TCF4: variants seen among roughly 807,000 people sequenced by gnomAD.
The protein encoded by TCF4 is transcription factor 4.
TCF4 carries 3 observed loss-of-function variants against 82.1 expected under a neutral mutation model. The observed-to-expected ratio is 0.04, with a 90% confidence interval of 0.02 to 0.09. The LOEUF (loss-of-function observed/expected upper bound fraction) is 0.09. Among genes scored for constraint, TCF4 ranks in the 10% least tolerant of loss-of-function variants. The pLI is 1.00. For synonymous variants in TCF4, 276 were observed against 309.6 expected, an observed-to-expected ratio of 0.89 and a Z score of 1.14; for missense variants, 518 against 852.7, an observed-to-expected ratio of 0.61 and a Z score of 4.89.
At chr18:55,440,792 C>T (rs2095424883) in intron 5 of TCF4, among the ~76,000 whole-genome samples, 1 of 152,146 alleles carries the variant, frequency 6.6e-6, no homozygotes, top group Admixed American at 6.5e-5. Context: ...TTGCTCTGTG[C>T]TCTCCAGTTT....
At chr18:55,582,773 C>G (rs2097587707) in intron 3 of TCF4, among the ~76,000 whole-genome samples, 1 of 152,036 alleles carries the variant, frequency 6.6e-6, no homozygotes, top group African/African-American at 2.4e-5. Flanking sequence ...CAAATAGGAA[C>G]AGTCTACTTA....
In TCF4 at chr18:55,380,779, G is replaced by A. The variant is rs115976065; in HGVS notation, c.369+22675C>T. 4.7e-3 allele frequency among the ~76,000 whole-genome samples: 710 copies of A among 152,266 alleles called. 6 individuals are homozygous for A. Among genetic ancestry groups the A allele is most frequent in the African/African-American group, 0.016 (652 of 41,552 alleles). On this transcript the variant is annotated intron_variant, in intron 6 of 19. Coordinates refer to ENST00000354452, the MANE Select transcript of TCF4 (RefSeq NM_001083962.2). ...ACCAATGGTTTAACAAACAGCCCACGCAATGCCTAAATATTTAAACTATTA... is the reference window on the plus strand; with the variant it reads ...ACCAATGGTTTAACAAACAGCCCACACAATGCCTAAATATTTAAACTATTA...
chr18:55,508,015 C>T (rs200860261), intron 3 of TCF4, among the ~76,000 whole-genome samples: 28 of 152,134 alleles, frequency 1.8e-4, no homozygotes, highest in East Asian at 7.7e-4. Context: ...CAAGTTGATG[C>T]TATCCAAGAA....
At chr18:55,631,536 T>C (rs2097731623) in intron 1 of TCF4, 3 of 673,824 alleles carry the variant, frequency 4.5e-6, no homozygotes, top group East Asian at 3.3e-5. Flanking sequence ...ACAGAAACTC[T>C]TGACAAATGA....
At chr18:55,375,134 G>C (rs1357552310) in intron 6 of TCF4, among the ~76,000 whole-genome samples, 1 of 151,540 alleles carries the variant, frequency 6.6e-6, no homozygotes, top group African/African-American at 2.4e-5. Flanking sequence ...CCAAATTTCT[G>C]AGATAAACCC....
At chr18:55,360,601 T>C (rs1569181485) in intron 6 of TCF4, among the ~76,000 whole-genome samples, 3 of 152,156 alleles carry the variant, frequency 2.0e-5, no homozygotes, top group South Asian at 2.1e-4. Flanking sequence ...AACTCTGCCA[T>C]TGTTACGCTA....
rs1470294012 is a variant in TCF4, at chr18:55,420,994, A to T, written c.305-17476T>A. Among the ~76,000 whole-genome samples, 3 of 152,274 alleles carry T rather than the reference A, an allele frequency of 2.0e-5. No homozygotes were observed. The East Asian group carries it at 5.8e-4, about 29-fold the overall frequency. On this transcript the variant is annotated intron_variant, in intron 5 of 19. Transcript: ENST00000354452. The stretch of plus-strand genomic sequence containing the variant: ...AATAAAAAAAGCTCTATAAAATGTC[A>T]GAATTAACCTATCGTTTCAGATTGC...
At chr18:55,246,977 T>A (rs966058575) in intron 15 of TCF4, among the ~76,000 whole-genome samples, 1 of 152,238 alleles carries the variant, frequency 6.6e-6, no homozygotes, top group Non-Finnish European at 1.5e-5. Context: ...AACACAGGAA[T>A]GGCCTCTCAA....
At chr18:55,604,733 T>C (rs910032094) in intron 2 of TCF4, among the ~76,000 whole-genome samples, 1 of 152,152 alleles carries the variant, frequency 6.6e-6, no homozygotes, top group Non-Finnish European at 1.5e-5. Context: ...AAGAGCCCCA[T>C]GTCATCACCT....
chr18:55,365,922 C>A lies in TCF4; in HGVS notation c.370-14919G>T, dbSNP rs540331699. ...AAAGCAAAACAAAAAACAACAACAA[C>A]AAAAAAACTATTTTTGTGTGGGACG... is the stretch of plus-strand genomic sequence containing the variant. On this transcript the variant is annotated intron_variant, in intron 6 of 19. Transcript: ENST00000354452. Among the ~76,000 whole-genome samples, 202 of 151,432 alleles carry A rather than the reference C, an allele frequency of 1.3e-3. 2 individuals are homozygous for A. The highest frequency in any genetic ancestry group is 2.1e-3 in the African/African-American group (86 of 41,112).
At chr18:55,259,631 C>T in intron 13 of TCF4, 1 of 282,822 alleles carries the variant, frequency 3.5e-6, no homozygotes, top group Non-Finnish European at 6.7e-6. Flanking sequence ...TTTTTTTCAT[C>T]TGAGACGTTT....
intron 3 of TCF4, among the ~76,000 whole-genome samples, chr18:55,516,900 G>A (rs895863079): frequency 6.6e-6 from 1 of 152,162 alleles, no homozygotes; most frequent in Non-Finnish European, 1.5e-5. Context: ...TCAATGAAGT[G>A]TTCTGAGAAG....
intron 15 of TCF4, among the ~76,000 whole-genome samples, 174 bp from the exon 16 acceptor site, chr18:55,234,857 C>CT (rs1296797468): frequency 1.3e-5 from 2 of 152,186 alleles, no homozygotes; most frequent in Non-Finnish European, 1.5e-5. Context: ...GGCGAAAACA[C>CT]TTAACACTCA....
rs193179577 is a variant in TCF4 at position 55,242,546 on chromosome 18, A to T, written c.1351-7863T>A. 1.6e-3 allele frequency among the ~76,000 whole-genome samples: 244 copies of T among 152,250 alleles called. 2 individuals are homozygous for T. Among genetic ancestry groups the T allele is most frequent in the Middle Eastern group, 6.8e-3 (2 of 292 alleles). On this transcript the variant is annotated intron_variant, in intron 15 of 19. Coordinates refer to ENST00000354452, the MANE Select transcript of TCF4 (RefSeq NM_001083962.2). ...CAAGCGCCTTATGAAAGTGTACTAT[A>T]TGCAAGGCACTACATGGGCATTTGC...
upstream of TCF4, among the ~76,000 whole-genome samples, chr18:55,588,791 T>C (rs994090853): frequency 6.6e-6 from 1 of 152,122 alleles, no homozygotes. Context: ...AATTGCATAC[T>C]TTCTTTCCCC....
intron 15 of TCF4, among the ~76,000 whole-genome samples, chr18:55,242,646 G>A (rs917826318): frequency 9.6e-5 from 14 of 145,570 alleles, no homozygotes; most frequent in Non-Finnish European, 1.8e-4. Context: ...GTGTTGCTTT[G>A]TTGCCCAGAA....
At chr18:55,422,496 T>TA (rs920012431) in intron 5 of TCF4, 22 of 967,428 alleles carry the variant, frequency 2.3e-5, no homozygotes, top group Middle Eastern at 5.3e-4. Context: ...TTCCTATTAT[T>TA]AAAAAAAAGA....
chr18:55,451,107 C>T (rs1473686601), intron 5 of TCF4, among the ~76,000 whole-genome samples: 5 of 152,152 alleles, frequency 3.3e-5, no homozygotes, highest in African/African-American at 1.2e-4. Flanking sequence ...CAGAAGTGAA[C>T]ATTCTATACT....
rs2097733203 is a variant in TCF4 at position 55,633,307 on chromosome 18, G to A, written c.196-1919C>T. Among the ~76,000 whole-genome samples the A allele has an allele frequency of 6.6e-6, 1 of 152,168 alleles. No homozygotes were observed. The highest frequency in any genetic ancestry group is 2.4e-5 in the African/African-American group (1 of 41,446). ...CCTGGCAAGTTGGTGCTGGCTGTTG[G>A]CAGGAGGCCTCAGCTTCTCTCCATG... On this transcript the variant is annotated intron_variant, in intron 1 of 20. Coordinates refer to the TCF4 transcript ENST00000398339. The surrounding 1 kb of genome is among the most constrained non-coding windows in gnomAD (Gnocchi z 4.0).
Sources: gnomAD v4.1 joint callset for allele counts (sites outside exome capture counted in the v4.1 genomes callset) on GRCh38, gnomAD v4.1.1 for gene constraint, Gnocchi (gnomAD v3.1) non-coding constraint, MANE v1.5 for transcripts, NCBI Gene and HGNC (gene_info 2026-07-23, HGNC 2026-07-21) for gene names.